TPSG1: variants seen among roughly 807,000 people sequenced by gnomAD.
The protein encoded by TPSG1 is tryptase gamma 1, also known as tryptase gamma.
TPSG1 carries 43 observed loss-of-function variants against 23.8 expected under a neutral mutation model. The observed-to-expected ratio is 1.81, with a 90% CI of 1.42 to 2.33. The LOEUF (loss-of-function observed/expected upper bound fraction) is 2.33, where lower values mean the gene tolerates loss of function less well. Among genes scored for constraint, TPSG1 ranks in the 30% most tolerant of loss-of-function variants. TPSG1 has a pLI of 0.00. For synonymous variants in TPSG1, 302 were observed against 201.3 expected, an observed-to-expected ratio of 1.50 and a Z score of -4.23; for missense variants, 623 against 438.6, an observed-to-expected ratio of 1.42 and a Z score of -3.75.
intron 1 of TPSG1, among the ~76,000 whole-genome samples, chr16:1,225,003 C>T (rs576012328): frequency 6.6e-5 from 10 of 152,280 alleles, no homozygotes; most frequent in East Asian, 1.9e-4. Flanking sequence ...AACTCCCACC[C>T]GCACATCCCT....
chr16:1,224,016 A>G lies in TPSG1; in HGVS notation c.74-422T>C, dbSNP rs558783402. ...ATAAAATTCGGGGGGCGGGGGGCAG[A>G]CAGCACTGTCCAAGGTGCTCGGGGC... On this transcript the variant is annotated intron_variant, in intron 2 of 5. Coordinates refer to ENST00000234798, the MANE Select transcript of TPSG1 (RefSeq NM_012467.4). 16 of 253,566 alleles carry G rather than the reference A, an allele frequency of 6.3e-5. 1 individual carries two copies. The South Asian group carries it at 8.8e-4, about 14-fold the overall frequency. The allele number at this position is 253,566 out of a possible 1,614,324, so 15.7% of individuals were successfully genotyped here.
chr16:1,222,017 C>A lies in TPSG1; in HGVS notation c.737G>T (p.Cys246Phe). ...QAGTVSWGEGCGRPNRPGVYT... is the reference protein window; with the variant it reads ...QAGTVSWGEGFGRPNRPGVYT... ...GACTCCCGGCCTGTTGGGGCGGCCG[C>A]AGCCCTCACCCCAGCTCACAGTGCC... The change falls in exon 6 of 6, where the codon TGC becomes TTC. Residue 246 changes from cysteine (C) to phenylalanine (F), a missense_variant. Physicochemically the swap from Cys to Phe is radical, Grantham distance 205. Coordinates refer to ENST00000234798, the MANE Select transcript of TPSG1 (RefSeq NM_012467.4). The A allele has an allele frequency of 6.2e-7, 1 of 1,612,472 alleles. No individual in the cohort carries two copies. Among genetic ancestry groups the A allele is most frequent in the South Asian group, 1.1e-5 (1 of 91,058 alleles).
intron 3 of TPSG1, among the ~76,000 whole-genome samples, chr16:1,223,157 T>C (rs111261104): frequency 2.2e-3 from 338 of 152,106 alleles, no homozygotes; most frequent in African/African-American, 7.5e-3. Flanking sequence ...CAGGGGCTGG[T>C]CAGGAGGCAG....
At position 1,222,760 on chromosome 16, in the gene TPSG1, C is replaced by T. The variant is rs567478856; in HGVS notation, c.403G>A (p.Val135Met). The T allele has an allele frequency of 3.2e-5, 51 of 1,612,278 alleles. No homozygotes were observed. Among genetic ancestry groups the T allele is most frequent in the Middle Eastern group, 1.7e-4 (1 of 5,806 alleles). ...DIALVELSVP[V>M]TLSSRILPVC... ...GGCAGGATCCGGCTGGAGAGGGTCA[C>T]GGGGACACTGAGCTCCACCAGGGCG... Residue 135 changes from valine (V) to methionine (M), a missense_variant, in exon 4 of 6, where the codon GTG becomes ATG. Coordinates refer to ENST00000234798, the MANE Select transcript of TPSG1 (RefSeq NM_012467.4).
In TPSG1 at chr16:1,222,187, C is replaced by T. The variant is rs1970528422; in HGVS notation, c.657+9G>A. ...GCCCCCATCCTCTGTCACGGCCTGG[C>T]AGGCTCACCTGGCAGGCATCCCCGG... is the stretch of plus-strand genomic sequence containing the variant. On this transcript the variant is annotated intron_variant, in intron 5 of 5. Transcript: ENST00000234798. 1.9e-6 allele frequency: 3 copies of T among 1,611,256 alleles called. No homozygotes were observed. Among genetic ancestry groups the T allele is most frequent in the Non-Finnish European group, 2.5e-6 (3 of 1,179,690 alleles).
At chr16:1,225,171 G>A in intron 1 of TPSG1, 36 bp downstream of exon 1, 3 of 1,553,448 alleles carry the variant, frequency 1.9e-6, no homozygotes, top group South Asian at 2.4e-5. Flanking sequence ...GGAAGCAGAT[G>A]CCCCCCCATC....
chr16:1,223,062 C>T (rs58662861), intron 3 of TPSG1, 145 bp from the exon 4 acceptor site: 23,569 of 1,125,068 alleles, frequency 0.021, 371 homozygotes, highest in East Asian at 0.073. Context: ...GGGCAGTGGC[C>T]TCACCCTGCA....
intron 1 of TPSG1, 63 bp downstream of exon 1, chr16:1,225,144 C>T (rs1007779544): frequency 1.1e-4 from 163 of 1,527,290 alleles, no homozygotes; most frequent in Non-Finnish European, 1.3e-4. Context: ...GTTTCACCCC[C>T]ATCAGGGGTC....
rs1567565321 is a variant in TPSG1, at chr16:1,222,772, G to A, written c.391C>T (p.Leu131Phe). 1.9e-6 allele frequency: 3 copies of A among 1,612,276 alleles called. No homozygotes were observed. Among genetic ancestry groups the A allele is most frequent in the East Asian group, 2.2e-5 (1 of 44,882 alleles). ...CTGGAGAGGGTCACGGGGACACTGA[G>A]CTCCACCAGGGCGATGTCCCCGCTG... ...GTSGDIALVELSVPVTLSSRI... is the reference protein window; with the variant it reads ...GTSGDIALVEFSVPVTLSSRI... The change falls in exon 4 of 6, where the codon CTC becomes TTC. Residue 131 changes from leucine to phenylalanine, a missense_variant. By Grantham distance (22) the Leu-to-Phe change is conservative (BLOSUM62 0). Transcript: ENST00000234798.
At chr16:1,224,120 A>C in intron 2 of TPSG1, 1 of 191,032 alleles carries the variant, frequency 5.2e-6, no homozygotes, top group Non-Finnish European at 1.1e-5. Context: ...ATTAAGAGGA[A>C]GTCAGCTGGA....
In TPSG1 at chr16:1,222,788, G is replaced by C; in HGVS notation, c.375C>G (p.Asp125Glu). The change falls in exon 4 of 6, where the codon GAC (aspartate) becomes GAG (glutamate). Residue 125 changes from aspartate (D) to glutamate (E), a missense_variant. Coordinates refer to ENST00000234798, the MANE Select transcript of TPSG1 (RefSeq NM_012467.4). ...SPSGQPGTSGDIALVELSVPV... is the reference protein window; with the variant it reads ...SPSGQPGTSGEIALVELSVPV... ...GGACACTGAGCTCCACCAGGGCGATGTCCCCGCTGGTCCCCGGCTGTCCTG... is the reference window on the plus strand; with the variant it reads ...GGACACTGAGCTCCACCAGGGCGATCTCCCCGCTGGTCCCCGGCTGTCCTG... The C allele has an allele frequency of 1.2e-6, 2 of 1,612,222 alleles. No individual in the cohort carries two copies. Among genetic ancestry groups the C allele is most frequent in the Non-Finnish European group, 1.7e-6 (2 of 1,179,808 alleles).
chr16:1,222,393 C>G, intron 4 of TPSG1, 52 bp from the exon 5 acceptor site: 15 of 1,484,778 alleles, frequency 1.0e-5, no homozygotes, highest in Non-Finnish European at 1.4e-5. Context: ...AGGCCCTGCA[C>G]TGGGGGGATG....
chr16:1,222,142 C>A (rs767113698), intron 5 of TPSG1, 46 bp from the exon 6 acceptor site: 2 of 1,611,796 alleles, frequency 1.2e-6, no homozygotes, highest in Non-Finnish European at 1.7e-6. Context: ...AGATGGGGAG[C>A]CCCTCCCTGG....
intron 2 of TPSG1, chr16:1,223,921 G>A (rs779075738): frequency 2.5e-5 from 10 of 396,348 alleles, no homozygotes; most frequent in East Asian, 1.1e-4. Context: ...GAGAAGGCCC[G>A]GGGTGCTGGG....
At position 1,222,967 on chromosome 16, in the gene TPSG1, G is replaced by A. The variant is rs564020311; in HGVS notation, c.246-50C>T. The stretch of plus-strand genomic sequence containing the variant: ...GAGGGGCCAGCTGCGGAGGCTGGAG[G>A]TCAGTGTCGGCCCCGCCCAGACCCT... On this transcript the variant is annotated intron_variant, in intron 3 of 5. Coordinates refer to ENST00000234798, the MANE Select transcript of TPSG1 (RefSeq NM_012467.4). The A allele has an allele frequency of 1.6e-5, 24 of 1,543,182 alleles. 1 individual carries two copies. The East Asian group carries it at 5.1e-4, about 33-fold the overall frequency.
rs759609297 is a variant in TPSG1 at position 1,221,907 on chromosome 16, G to A, written c.847C>T (p.Pro283Ser). Residue 283 changes from proline (P) to serine (S), a missense_variant, in exon 6 of 6, where the codon CCC becomes TCC. Coordinates refer to ENST00000234798, the MANE Select transcript of TPSG1 (RefSeq NM_012467.4). The stretch of plus-strand genomic sequence containing the variant: ...GGGAGGAAGAAGCCAGCCAGGAGGG[G>A]GAGCCTGGGGTACCCAGACTCTGAG... Reference protein sequence around the residue: ...GGSESGYPRLPLLAGFFLPGL... With the variant: ...GGSESGYPRLSLLAGFFLPGL... 5 of 1,611,352 alleles carry A rather than the reference G, an allele frequency of 3.1e-6. No individual in the cohort carries two copies. In the East Asian group the frequency reaches 1.1e-4, roughly 36 times the overall value.
Position 1,223,434 on chromosome 16 carries a change from G to C in TPSG1, c.234C>G (p.His78Gln), listed in dbSNP as rs770585600. The C allele has an allele frequency of 1.3e-6, 2 of 1,585,920 alleles. No homozygotes were observed. The highest frequency in any genetic ancestry group is 1.7e-6 in the Non-Finnish European group (2 of 1,168,446). ...LSPQWVLTAA[H>Q]CFSGSLNSSD... ...ACCCGGACACTCACCCGGAGAAGCA[G>C]TGGGCAGCTGTGAGCACCCACTGGG... is the stretch of plus-strand genomic sequence containing the variant. The change falls in exon 3 of 6, where the codon CAC becomes CAG. Residue 78 changes from histidine (H) to glutamine (Q), a missense_variant. By Grantham distance (24) the His-to-Gln change is conservative. Coordinates refer to ENST00000234798, the MANE Select transcript of TPSG1 (RefSeq NM_012467.4).
Position 1,224,090 on chromosome 16 carries a change from C to T in TPSG1, c.74-496G>A, listed in dbSNP as rs370306637. 35 of 193,204 alleles carry T rather than the reference C, an allele frequency of 1.8e-4. No homozygotes were observed. The East Asian group carries it at 5.3e-3, about 29-fold the overall frequency. 12.0% of individuals were successfully genotyped at this position (193,204 alleles called of 1,614,324 possible). On this transcript the variant is annotated intron_variant, in intron 2 of 5. Transcript: ENST00000234798. ...GTAACTTTATCTTCTGTAAACTTCA[C>T]CTCAGTAAGTTAAGAAGAAATTAAG...
Position 1,223,541 on chromosome 16 carries a change from C to A in TPSG1, c.127G>T (p.Ala43Ser). ...CATGGCCATGCGCCGGCCGGGGCAGCGTGACCCCCCACGATCCGGCCGCCT... is the reference window on the plus strand; with the variant it reads ...CATGGCCATGCGCCGGCCGGGGCAGAGTGACCCCCCACGATCCGGCCGCCT... The part of the protein sequence containing the change: ...DAGGRIVGGH[A>S]APAGAWPWQA... The change falls in exon 3 of 6, where the codon GCT becomes TCT. Residue 43 changes from alanine to serine, a missense_variant. Coordinates refer to ENST00000234798, the MANE Select transcript of TPSG1 (RefSeq NM_012467.4). 1 of 1,548,234 alleles carries A rather than the reference C, an allele frequency of 6.5e-7. No individual in the cohort carries two copies. The highest frequency in any genetic ancestry group is 8.7e-7 in the Non-Finnish European group (1 of 1,148,910).
Sources: gnomAD v4.1 joint callset for allele counts (sites outside exome capture counted in the v4.1 genomes callset) on GRCh38, gnomAD v4.1.1 for gene constraint, MANE v1.5 for transcripts, NCBI Gene and HGNC (gene_info 2026-07-23, HGNC 2026-07-21) for gene names.